SH3RF2: variants seen among roughly 807,000 people sequenced by gnomAD.
The protein encoded by SH3RF2 is E3 ubiquitin-protein ligase SH3RF2.
SH3RF2 carries 43 observed loss-of-function variants against 59.0 expected under a neutral mutation model. The ratio of observed to expected loss-of-function variants is 0.73; its 90% confidence interval spans 0.57 to 0.94. The LOEUF is 0.94. Among genes scored for constraint, SH3RF2 ranks in the 40% least tolerant of loss-of-function variants. The probability of loss-of-function intolerance (pLI) is 0.00; values close to 1 mark genes in which losing one functional copy is unlikely to be tolerated. For synonymous variants in SH3RF2, 391 were observed against 391.5 expected, an observed-to-expected ratio of 1.00 and a Z score of 0.01; for missense variants, 930 against 940.1, an observed-to-expected ratio of 0.99 and a Z score of 0.14.
chr5:145,967,951 C>T (rs919439016), intron 2 of SH3RF2, among the ~76,000 whole-genome samples: 1 of 152,150 alleles, frequency 6.6e-6, no homozygotes, highest in African/African-American at 2.4e-5. Context: ...TGAGCCACCA[C>T]GCCCAGCCCT....
rs1762541896 is a variant in SH3RF2 at position 146,052,716 on chromosome 5, CATCT to C, written c.1323-3260_1323-3257del. Among the ~76,000 whole-genome samples the C allele has an allele frequency of 2.6e-5, 4 of 152,156 alleles. No homozygotes were observed. The East Asian group carries it at 7.7e-4, about 29-fold the overall frequency. On this transcript the variant is annotated intron_variant, in intron 7 of 9. Coordinates refer to ENST00000359120, the MANE Select transcript of SH3RF2 (RefSeq NM_152550.4). ...CCACATGAATGATACATACCCAGTC[CATCT>C]ATCTGTGTGCAGGTGACCCTTGTTC... is the stretch of plus-strand genomic sequence containing the variant.
intron 5 of SH3RF2, among the ~76,000 whole-genome samples, chr5:146,023,258 G>A (rs759572870): frequency 1.3e-5 from 2 of 151,818 alleles, no homozygotes; most frequent in East Asian, 1.9e-4. Context: ...ACCCAGGCTG[G>A]AGTGTAGTGG....
chr5:146,081,193 G>A (rs1763420654), exon 10 of SH3RF2: 2 of 152,140 alleles, frequency 1.3e-5, no homozygotes, highest in Non-Finnish European at 1.5e-5. Context: ...GTAAAACTGT[G>A]CTAATGGGAT....
intron 2 of SH3RF2, chr5:145,997,472 A>G (rs1760214128): frequency 6.4e-7 from 1 of 1,555,158 alleles, no homozygotes; most frequent in Non-Finnish European, 8.9e-7. Flanking sequence ...AAAATGGGAT[A>G]ATGGATACAG....
At chr5:146,024,752 T>A (rs1761465710) in intron 5 of SH3RF2, among the ~76,000 whole-genome samples, 1 of 152,234 alleles carries the variant, frequency 6.6e-6, no homozygotes, top group Admixed American at 6.5e-5. Flanking sequence ...GGGATCCAGA[T>A]GCATTCTTCT....
intron 2 of SH3RF2, among the ~76,000 whole-genome samples, chr5:145,968,083 C>G (rs1758932836): frequency 6.6e-6 from 1 of 152,110 alleles, no homozygotes. Context: ...GTATAGTTTC[C>G]TGGGAGAAGC....
intron 8 of SH3RF2, among the ~76,000 whole-genome samples, chr5:146,059,023 C>G (rs1395023615): frequency 6.6e-6 from 1 of 152,148 alleles, no homozygotes; most frequent in Non-Finnish European, 1.5e-5. Context: ...CAGGCACTAT[C>G]CTGATACTTT....
intron 2 of SH3RF2, among the ~76,000 whole-genome samples, chr5:145,956,803 A>G (rs1039436631): frequency 6.6e-6 from 1 of 152,188 alleles, no homozygotes; most frequent in Non-Finnish European, 1.5e-5. Context: ...GAAATAAGTT[A>G]CCTAGGTAAT....
At chr5:145,960,827 C>T (rs1758603961) in intron 2 of SH3RF2, among the ~76,000 whole-genome samples, 1 of 152,124 alleles carries the variant, frequency 6.6e-6, no homozygotes, top group African/African-American at 2.4e-5. Context: ...GCTATTGGCA[C>T]ATAAAGACAC....
chr5:145,984,073 T>G (rs1759608408), intron 2 of SH3RF2, among the ~76,000 whole-genome samples: 1 of 152,112 alleles, frequency 6.6e-6, no homozygotes, highest in Admixed American at 6.6e-5. Context: ...TACTCTTCCA[T>G]TTGTTTGTTT....
chr5:145,953,080 G>A (rs937633764), intron 2 of SH3RF2, among the ~76,000 whole-genome samples: 1 of 151,378 alleles, frequency 6.6e-6, no homozygotes, highest in Admixed American at 6.6e-5. Context: ...AGGCTCTGAA[G>A]AAATATAGGC....
chr5:146,022,935 AC>A (rs1761386446), intron 5 of SH3RF2, among the ~76,000 whole-genome samples: 1 of 151,000 alleles, frequency 6.6e-6, no homozygotes, highest in African/African-American at 2.4e-5. Flanking sequence ...TTCCTTAAAA[AC>A]ATTAAATATT....
intron 9 of SH3RF2, among the ~76,000 whole-genome samples, chr5:146,069,464 C>T (rs1462240544): frequency 6.7e-6 from 1 of 150,150 alleles, no homozygotes; most frequent in African/African-American, 2.5e-5. Context: ...AGCAGCTTCT[C>T]AGAATCTGAA....
At chr5:146,068,631 T>A (rs184870130) in intron 9 of SH3RF2, among the ~76,000 whole-genome samples, 205 of 152,228 alleles carry the variant, frequency 1.3e-3, no homozygotes, top group African/African-American at 4.9e-3. Flanking sequence ...TACAAGGACA[T>A]TTTACTTGAA....
chr5:146,051,888 A>C (rs1762512961), intron 7 of SH3RF2, among the ~76,000 whole-genome samples: 1 of 152,216 alleles, frequency 6.6e-6, no homozygotes, highest in Non-Finnish European at 1.5e-5. Context: ...TGAAATCTTC[A>C]AGGAGTGAGA....
intron 2 of SH3RF2, among the ~76,000 whole-genome samples, chr5:145,979,638 T>C (rs530023192): frequency 1.3e-5 from 2 of 152,342 alleles, no homozygotes; most frequent in Admixed American, 1.3e-4. Context: ...CAAAAAACTT[T>C]TGAAAATTTA....
downstream of SH3RF2, among the ~76,000 whole-genome samples, chr5:146,066,223 G>A (rs982343231): frequency 3.9e-5 from 6 of 152,232 alleles, no homozygotes; most frequent in Admixed American, 3.9e-4. Flanking sequence ...TGGACTGCCA[G>A]GAGGCAGCAG....
chr5:146,032,729 A>G (rs558411020), intron 5 of SH3RF2, among the ~76,000 whole-genome samples: 7 of 152,334 alleles, frequency 4.6e-5, no homozygotes, highest in African/African-American at 1.7e-4. Context: ...AAGTGTGCCC[A>G]TAAATCACAT....
intron 2 of SH3RF2, among the ~76,000 whole-genome samples, chr5:145,960,983 C>G (rs189147118): frequency 6.6e-6 from 1 of 152,164 alleles, no homozygotes; most frequent in Non-Finnish European, 1.5e-5. Flanking sequence ...TATCTGATAG[C>G]AGCAAGCAGC....
Sources: gnomAD v4.1 joint callset for allele counts (sites outside exome capture counted in the v4.1 genomes callset) on GRCh38, gnomAD v4.1.1 for gene constraint, MANE v1.5 for transcripts, NCBI Gene and HGNC (gene_info 2026-07-23, HGNC 2026-07-21) for gene names.